AGXT2: variants seen among roughly 807,000 people sequenced by gnomAD.
AGXT2 encodes alanine--glyoxylate aminotransferase 2, mitochondrial.
A neutral mutation model predicts 62.5 loss-of-function variants in AGXT2; 61 were observed. That is an observed-to-expected ratio of 0.98 (90% confidence interval 0.79 to 1.21). The LOEUF (loss-of-function observed/expected upper bound fraction) is 1.21. AGXT2 is among the 50% of genes most tolerant of loss of function. The pLI is 0.00. For synonymous variants in AGXT2, 243 were observed against 218.7 expected (o/e 1.11, Z -0.98); for missense variants, 666 against 641.5 (o/e 1.04, Z -0.41).
rs754407445 is a variant in AGXT2, at chr5:35,036,938, G to A, written c.486+4C>T. ...ATTCACCTCCTGCAGGAAGAGCATT[G>A]TACCTTAAGAGGCTCAGGAAGAAGT... On this transcript the variant is annotated splice_donor_region_variant and intron_variant, in intron 4 of 13. Transcript: ENST00000231420. The A allele has an allele frequency of 2.0e-5, 32 of 1,613,636 alleles. 1 individual carries two copies. In the South Asian group the frequency reaches 3.0e-4, roughly 15 times the overall value.
At chr5:35,010,700 A>G (rs1176455464) in intron 11 of AGXT2, among the ~76,000 whole-genome samples, 1 of 152,146 alleles carries the variant, frequency 6.6e-6, no homozygotes, top group Non-Finnish European at 1.5e-5. Context: ...ACAAACAAAA[A>G]AGAATTTAGG....
rs763146946 is a variant in AGXT2, at chr5:35,036,893, C to CT, written c.486+48dup. The CT allele has an allele frequency of 1.3e-4, 203 of 1,602,382 alleles. 1 individual carries two copies. The East Asian group carries it at 1.9e-3, about 15-fold the overall frequency. On this transcript the variant is annotated intron_variant, in intron 4 of 13. Coordinates refer to ENST00000231420, the MANE Select transcript of AGXT2 (RefSeq NM_031900.4). Reference sequence around the variant, plus strand: ...TCTCTTTGAGCTGGGAGCATCATACCTTTTTTTTTCCCCCATAACATTCAC... The same window carrying CT: ...TCTCTTTGAGCTGGGAGCATCATACCTTTTTTTTTTCCCCCATAACATTCAC...
intron 11 of AGXT2, among the ~76,000 whole-genome samples, chr5:35,011,504 T>C: frequency 7.0e-6 from 1 of 143,124 alleles, no homozygotes; most frequent in Non-Finnish European, 1.5e-5. Flanking sequence ...CAAAGTGAAA[T>C]AAATGACACA....
chr5:35,034,500 A>G (rs974770575), intron 5 of AGXT2, among the ~76,000 whole-genome samples: 2 of 152,220 alleles, frequency 1.3e-5, no homozygotes, highest in African/African-American at 2.4e-5. Context: ...CAGCTTAAAA[A>G]TGCAACTGTT....
intron 12 of AGXT2, 61 bp from the exon 13 acceptor site, chr5:35,003,922 G>T: frequency 1.3e-6 from 2 of 1,532,310 alleles, no homozygotes; most frequent in Admixed American, 1.7e-5. Context: ...GGAATTATTT[G>T]CAAGAGAGGA....
intron 10 of AGXT2, among the ~76,000 whole-genome samples, chr5:35,013,494 T>C (rs1561216234): frequency 2.0e-5 from 3 of 152,196 alleles, no homozygotes; most frequent in South Asian, 2.1e-4. Context: ...CAGAATGGGC[T>C]GGCTTTCGGA....
intron 7 of AGXT2, among the ~76,000 whole-genome samples, 182 bp from the exon 8 acceptor site, chr5:35,026,692 T>C (rs1336353169): frequency 6.6e-6 from 1 of 152,024 alleles, no homozygotes; most frequent in Non-Finnish European, 1.5e-5. Context: ...GAATGTTCTC[T>C]CTGAACAACT....
Position 35,033,481 on chromosome 5 carries a change from A to G in AGXT2, c.654T>C (p.Pro218=). The G allele has an allele frequency of 6.2e-7, 1 of 1,613,534 alleles. No homozygotes were observed. Among genetic ancestry groups the G allele is most frequent in the Non-Finnish European group, 8.5e-7 (1 of 1,179,452 alleles). The change falls in exon 6 of 14, where the codon CCT becomes CCC. Residue 218 remains proline (P), a synonymous_variant. Coordinates refer to ENST00000231420, the MANE Select transcript of AGXT2 (RefSeq NM_031900.4). The stretch of plus-strand genomic sequence containing the variant: ...TCACTGGTTGGCAACCTGTCCCACC[A>G]GGGAGTTCCATCTTGTAGGTCCCTA... ...TNVGTYKMEL[P]GGTGCQPTMC...
At chr5:35,009,629 C>T (rs993553070) in intron 12 of AGXT2, among the ~76,000 whole-genome samples, 1 of 152,092 alleles carries the variant, frequency 6.6e-6, no homozygotes, top group Admixed American at 6.6e-5. Context: ...TATTTAACCT[C>T]CTCACCCCAA....
Position 35,003,862 on chromosome 5 carries a change from C to A in AGXT2, c.1339-1G>T. ...CACGGGGAAGAGGCCGACAGCTTATCTGTAAATATATTTTTAAAATTCTTT... is the reference window on the plus strand; with the variant it reads ...CACGGGGAAGAGGCCGACAGCTTATATGTAAATATATTTTTAAAATTCTTT... On this transcript the variant is annotated splice_acceptor_variant, in intron 12 of 13. Transcript: ENST00000231420. LOFTEE classifies it high-confidence loss of function. 1.2e-6 allele frequency: 2 copies of A among 1,613,296 alleles called. No homozygotes were observed. Among genetic ancestry groups the A allele is most frequent in the Non-Finnish European group, 1.7e-6 (2 of 1,179,284 alleles).
At position 35,011,418 on chromosome 5, in the gene AGXT2, C is replaced by G. The variant is rs151093804; in HGVS notation, c.1189-1269G>C. On this transcript the variant is annotated intron_variant, in intron 11 of 13. Coordinates refer to ENST00000231420, the MANE Select transcript of AGXT2 (RefSeq NM_031900.4). The stretch of plus-strand genomic sequence containing the variant: ...GAGGTTGCAGTGAGCCAAAGTTGTG[C>G]CCCTGCACTCCAGTCTGGGTGACAG... Among the ~76,000 whole-genome samples, 79 of 149,724 alleles carry G rather than the reference C, an allele frequency of 5.3e-4. 2 individuals carry two copies. In the South Asian group the frequency reaches 0.011, roughly 20 times the overall value.
At chr5:35,031,126 T>G (rs1395515410) in intron 7 of AGXT2, among the ~76,000 whole-genome samples, 1 of 152,132 alleles carries the variant, frequency 6.6e-6, no homozygotes, top group Non-Finnish European at 1.5e-5. Flanking sequence ...CAGCTTGGGT[T>G]TATCTTGACG....
chr5:35,005,208 G>C (rs189537780), intron 12 of AGXT2, among the ~76,000 whole-genome samples: 2 of 152,008 alleles, frequency 1.3e-5, no homozygotes, highest in African/African-American at 4.8e-5. Context: ...GGTTGGGGGG[G>C]TCAGTTCTTT....
rs1255749919 is a variant in AGXT2 at position 35,045,764 on chromosome 5, CTTTTTTTT to C, written c.88+2033_88+2040del. 1.9e-3 allele frequency among the ~76,000 whole-genome samples: 184 copies of C among 99,146 alleles called. 1 individual carries two copies. Among genetic ancestry groups the C allele is most frequent in the African/African-American group, 6.4e-3 (176 of 27,308 alleles). 65.0% of individuals were successfully genotyped at this position (99,146 alleles called of 152,430 possible). ...TGTGGTTTTTTTCTTTTTCTTTTTT[CTTTTTTTT>C]TTTTTTTTTTTTTGAGAAGGAGTCT... On this transcript the variant is annotated intron_variant, in intron 1 of 13. Coordinates refer to ENST00000231420, the MANE Select transcript of AGXT2 (RefSeq NM_031900.4).
chr5:35,002,163 A>G lies in AGXT2; in HGVS notation c.1437+1600T>C, dbSNP rs75654287. On this transcript the variant is annotated intron_variant, in intron 13 of 13. Transcript: ENST00000231420. The stretch of plus-strand genomic sequence containing the variant: ...ATGTCTTACGATTCATAATCATTAA[A>G]TTATGTTATCTGGTTTGTACAGAAA... 6.5e-3 allele frequency among the ~76,000 whole-genome samples: 997 copies of G among 152,272 alleles called. 15 individuals are homozygous for G. The highest frequency in any genetic ancestry group is 0.023 in the African/African-American group (956 of 41,552).
intron 4 of AGXT2, 92 bp from the exon 5 acceptor site, chr5:35,035,408 A>G (rs1767724791): frequency 9.7e-7 from 1 of 1,027,682 alleles, no homozygotes; most frequent in Non-Finnish European, 1.5e-6. Context: ...CCAGCCCCTG[A>G]GTATTAAGGA....
chr5:35,047,244 A>G (rs1381445401), intron 1 of AGXT2, among the ~76,000 whole-genome samples: 1 of 152,152 alleles, frequency 6.6e-6, no homozygotes, highest in Non-Finnish European at 1.5e-5. Flanking sequence ...TTCGAGACCA[A>G]CTTGAGCAAC....
chr5:35,044,531 C>T (rs1768114302), intron 1 of AGXT2, among the ~76,000 whole-genome samples: 1 of 152,224 alleles, frequency 6.6e-6, no homozygotes, highest in African/African-American at 2.4e-5. Flanking sequence ...AGCAAAGCTG[C>T]TAAGAGGCGG....
At chr5:34,999,302 T>C (rs1766142913) in intron 13 of AGXT2, among the ~76,000 whole-genome samples, 1 of 152,206 alleles carries the variant, frequency 6.6e-6, no homozygotes, top group South Asian at 2.1e-4. Context: ...AGCTTTCCTT[T>C]TCATGAAGAC....
Sources: gnomAD v4.1 joint callset for allele counts (sites outside exome capture counted in the v4.1 genomes callset) on GRCh38, gnomAD v4.1.1 for gene constraint, MANE v1.5 for transcripts, NCBI Gene and HGNC (gene_info 2026-07-23, HGNC 2026-07-21) for gene names.